Variants in GBP7 observed in about 807,000 individuals in gnomAD.
GBP7 encodes guanylate-binding protein 7.
GBP7 carries 43 observed loss-of-function variants against 61.3 expected under a neutral mutation model. The observed-to-expected ratio is 0.70, with a 90% confidence interval of 0.55 to 0.91. GBP7 has a LOEUF of 0.91. Ranked by LOEUF, GBP7 falls within the 40% of genes least tolerant of loss-of-function variation. The pLI, the probability that GBP7 is intolerant of heterozygous loss-of-function variation, is 0.00. For synonymous variants in GBP7, 267 were observed against 271.0 expected (o/e 0.99, Z 0.14); for missense variants, 717 against 740.5 (o/e 0.97, Z 0.37).
At position 89,131,963 on chromosome 1, in the gene GBP7, T is replaced by C. The variant is rs1435216080; in HGVS notation, c.*186A>G. The C allele has an allele frequency of 1.1e-5, 5 of 462,066 alleles. No homozygotes were observed. The highest frequency in any genetic ancestry group is 1.9e-5 in the Non-Finnish European group (5 of 264,782). 28.6% of individuals were successfully genotyped at this position (462,066 alleles called of 1,614,324 possible). On this transcript the variant is annotated 3_prime_UTR_variant, in exon 11 of 11. Coordinates refer to ENST00000294671, the MANE Select transcript of GBP7 (RefSeq NM_207398.3). The stretch of plus-strand genomic sequence containing the variant: ...ATCTTTTCTAGGAATAATTTTATCT[T>C]CTAACTTGTTCCCCATTTCTATTAA...
intron 8 of GBP7, among the ~76,000 whole-genome samples, chr1:89,143,472 G>A (rs909577477): frequency 6.6e-6 from 1 of 152,150 alleles, no homozygotes; most frequent in African/African-American, 2.4e-5. Flanking sequence ...CTGTTTTAGG[G>A]TGAGTGAGCA....
chr1:89,156,803 CAG>C lies in GBP7; in HGVS notation c.319-4028_319-4027del, dbSNP rs1405743208. Among the ~76,000 whole-genome samples, 9 of 152,296 alleles carry C rather than the reference CAG, an allele frequency of 5.9e-5. No homozygotes were observed. The East Asian group carries it at 1.7e-3, about 29-fold the overall frequency. ...GTCAACGTTAGACAGATCAATGAGA[CAG>C]AAAGTTAACAAAGATATCCAGTAAT... On this transcript the variant is annotated intron_variant, in intron 3 of 10. Coordinates refer to ENST00000294671, the MANE Select transcript of GBP7 (RefSeq NM_207398.3).
rs1326710289 is a variant in GBP7, at chr1:89,152,270, G to A, written c.623C>T (p.Ser208Leu). The part of the protein sequence containing the change: ...EYLENALKLI[S>L]GKNPQIQNSN... ...CCATCTAGGCCATGCTCTGATACCT[G>A]AAATCAGCTTCAAGGCATTCTCCAG... Residue 208 changes from serine to leucine, a missense_variant and splice_region_variant, in exon 5 of 11, where the codon TCA becomes TTA. This residue lies in a region of GBP7 where 387 missense variants were observed against 385.2 expected (regional missense o/e 1.00). Transcript: ENST00000294671. 6.2e-7 allele frequency: 1 copy of A among 1,613,590 alleles called. No individual in the cohort carries two copies.
At chr1:89,156,033 A>G (rs938379249) in intron 3 of GBP7, among the ~76,000 whole-genome samples, 4 of 152,362 alleles carry the variant, frequency 2.6e-5, no homozygotes, top group African/African-American at 9.6e-5. Context: ...ACAAGCCAGA[A>G]GAGAGTGGGG....
In GBP7 at chr1:89,146,016, C is replaced by T. The variant is rs1314695552; in HGVS notation, c.1365+1551G>A. The stretch of plus-strand genomic sequence containing the variant: ...CATAAAAGACCCCAAATAGCCAAAA[C>T]AAGAAAAACAGAGCCAAAGGCATCA... On this transcript the variant is annotated intron_variant, in intron 8 of 10. Transcript: ENST00000294671. Among the ~76,000 whole-genome samples the T allele has an allele frequency of 1.3e-5, 2 of 151,954 alleles. 1 individual carries two copies. Among genetic ancestry groups the T allele is most frequent in the Middle Eastern group, 6.3e-3 (2 of 316 alleles).
chr1:89,175,853 G>A (rs1647723965), intron 1 of GBP7, 68 bp downstream of exon 1: 1 of 152,204 alleles, frequency 6.6e-6, no homozygotes, highest in Non-Finnish European at 1.5e-5. Flanking sequence ...CTATCTTGGG[G>A]ATGGTCAACT....
chr1:89,147,808 A>G (rs774802224), intron 7 of GBP7, 29 bp from the exon 8 acceptor site: 3 of 1,609,694 alleles, frequency 1.9e-6, no homozygotes, highest in Non-Finnish European at 2.5e-6. Flanking sequence ...GAAAAACAGT[A>G]GAAAGAAGCT....
At chr1:89,153,993 A>T (rs1335161068) in intron 3 of GBP7, among the ~76,000 whole-genome samples, 2 of 152,246 alleles carry the variant, frequency 1.3e-5, no homozygotes, top group African/African-American at 4.8e-5. Context: ...ATTTAATTCA[A>T]CTGAATGAGT....
intron 3 of GBP7, among the ~76,000 whole-genome samples, chr1:89,161,147 A>T (rs1179203362): frequency 1.3e-5 from 2 of 152,204 alleles, no homozygotes; most frequent in African/African-American, 4.8e-5. Flanking sequence ...TCCATAGTGT[A>T]TATGTACCAC....
chr1:89,174,533 A>G (rs1194443269), intron 1 of GBP7, among the ~76,000 whole-genome samples: 1 of 152,212 alleles, frequency 6.6e-6, no homozygotes, highest in African/African-American at 2.4e-5. Flanking sequence ...AGTAGTAGTA[A>G]TCTTCACCTG....
At position 89,175,963 on chromosome 1, in the gene GBP7, A is replaced by G. The variant is rs1026371670; in HGVS notation, c.-62T>C. On this transcript the variant is annotated 5_prime_UTR_variant, in exon 1 of 11. Coordinates refer to ENST00000294671, the MANE Select transcript of GBP7 (RefSeq NM_207398.3). The stretch of plus-strand genomic sequence containing the variant: ...TGGACTTGGTAAGAAGGCAGCTTCA[A>G]TGAGAAAGTTATGAGTCTTTATTCT... The G allele has an allele frequency of 1.3e-5, 2 of 152,236 alleles. No homozygotes were observed. The highest frequency in any genetic ancestry group is 2.9e-5 in the Non-Finnish European group (2 of 68,040). 9.4% of individuals were successfully genotyped at this position (152,236 alleles called of 1,614,324 possible).
intron 8 of GBP7, among the ~76,000 whole-genome samples, chr1:89,144,985 G>A (rs150375036): frequency 0.017 from 2,356 of 134,864 alleles, 67 homozygotes; most frequent in African/African-American, 0.062. Context: ...ACGGAGTCTC[G>A]CTCTGTCACC....
chr1:89,151,824 T>C (rs1033757633), intron 5 of GBP7, among the ~76,000 whole-genome samples: 1 of 152,180 alleles, frequency 6.6e-6, no homozygotes, highest in Non-Finnish European at 1.5e-5. Flanking sequence ...GCTAATAAAA[T>C]AGACTGAGTG....
chr1:89,152,352 G>A lies in GBP7; in HGVS notation c.541C>T (p.Arg181Ter), dbSNP rs138540106. ...SFFPDFIWTV[R>*]DFTLELKLDG... is the part of the protein sequence containing the mutation. The stretch of plus-strand genomic sequence containing the variant: ...AACTTCAGCTCCAGGGTAAAATCTC[G>A]AACAGTCCAAATAAAGTCTGGAAAG... The change falls in exon 5 of 11, where the codon CGA becomes TGA. Residue 181 changes from arginine (R) to a stop codon, truncating the protein, a stop_gained. Coordinates refer to ENST00000294671, the MANE Select transcript of GBP7 (RefSeq NM_207398.3). LOFTEE classifies it high-confidence loss of function. 1,770 of 1,613,972 alleles carry A rather than the reference G, an allele frequency of 1.1e-3. 2 individuals are homozygous for A. The highest frequency in any genetic ancestry group is 1.3e-3 in the Non-Finnish European group (1,568 of 1,179,960).
At position 89,161,427 on chromosome 1, in the gene GBP7, C is replaced by T. The variant is rs1647265273; in HGVS notation, c.318+3304G>A. Reference sequence around the variant, plus strand: ...TGTTCCTATTTCTCTACAACCTAACCAGCATCTGTTATTTTTTGACTTTTT... The same window carrying T: ...TGTTCCTATTTCTCTACAACCTAACTAGCATCTGTTATTTTTTGACTTTTT... On this transcript the variant is annotated intron_variant, in intron 3 of 10. Transcript: ENST00000294671. Among the ~76,000 whole-genome samples the T allele has an allele frequency of 2.0e-5, 3 of 152,232 alleles. No homozygotes were observed. The South Asian group carries it at 6.2e-4, about 32-fold the overall frequency.
Position 89,171,922 on chromosome 1 carries a change from A to C in GBP7, c.14T>G (p.Ile5Ser), listed in dbSNP as rs1341726249. Residue 5 changes from isoleucine (I) to serine (S), a missense_variant, in exon 2 of 11, where the codon ATC becomes AGC. By Grantham distance (142) the Ile-to-Ser change is moderately radical. Coordinates refer to ENST00000294671, the MANE Select transcript of GBP7 (RefSeq NM_207398.3). ...GAGGCACACTGGGCCTGGCATGTGG[A>C]TCTCTGATGCCATGTTCAGGGCGTT... The part of the protein sequence containing the change: MASE[I>S]HMPGPVCLTE... 1 of 1,612,212 alleles carries C rather than the reference A, an allele frequency of 6.2e-7. No individual in the cohort carries two copies. The highest frequency in any genetic ancestry group is 1.3e-5 in the African/African-American group (1 of 74,856).
At chr1:89,141,902 C>A (rs1200100902) in intron 8 of GBP7, among the ~76,000 whole-genome samples, 1 of 152,160 alleles carries the variant, frequency 6.6e-6, no homozygotes, top group African/African-American at 2.4e-5. Flanking sequence ...TCACCACCCA[C>A]CCCCGGTGCA....
chr1:89,138,762 A>T (rs529512108), intron 9 of GBP7, among the ~76,000 whole-genome samples: 1 of 152,280 alleles, frequency 6.6e-6, no homozygotes, highest in Non-Finnish European at 1.5e-5. Flanking sequence ...TTCTGGACAT[A>T]GGCACTGGCA....
Position 89,159,355 on chromosome 1 carries a change from A to G in GBP7, c.318+5376T>C, listed in dbSNP as rs550849612. ...GCAATGGCAACAAAAGCCAAAATAG[A>G]CAAATGGGATTTAATTAAACTAAAG... On this transcript the variant is annotated intron_variant, in intron 3 of 10. Coordinates refer to ENST00000294671, the MANE Select transcript of GBP7 (RefSeq NM_207398.3). 3.3e-4 allele frequency among the ~76,000 whole-genome samples: 50 copies of G among 152,352 alleles called. 1 individual carries two copies. The South Asian group carries it at 9.1e-3, about 28-fold the overall frequency.
Sources: gnomAD v4.1 joint callset for allele counts (sites outside exome capture counted in the v4.1 genomes callset) on GRCh38, gnomAD v4.1.1 for gene constraint, gnomAD v4.1.1 regional missense constraint, MANE v1.5 for transcripts, NCBI Gene and HGNC (gene_info 2026-07-23, HGNC 2026-07-21) for gene names.